DHX8: variants seen among roughly 807,000 people sequenced by gnomAD.
DHX8 encodes ATP-dependent RNA helicase DHX8.
DHX8 carries 67 observed loss-of-function variants against 140.7 expected under a neutral mutation model. That is an observed-to-expected ratio of 0.48 (90% confidence interval 0.39 to 0.58). DHX8 has a LOEUF of 0.58. Ranked by LOEUF, DHX8 falls within the 20% of genes least tolerant of loss-of-function variation. The pLI is 0.00. For synonymous variants in DHX8, 533 were observed against 553.2 expected, an observed-to-expected ratio of 0.96 and a Z score of 0.51; for missense variants, 887 against 1,550.7, an observed-to-expected ratio of 0.57 and a Z score of 7.19.
chr17:43,492,895 A>T lies in DHX8; in HGVS notation c.718A>T (p.Lys240Ter), dbSNP rs767342717. 6.2e-7 allele frequency: 1 copy of T among 1,614,230 alleles called. No homozygotes were observed. Among genetic ancestry groups the T allele is most frequent in the Non-Finnish European group, 8.5e-7 (1 of 1,180,036 alleles). Residue 240 changes from lysine to a stop codon, truncating the protein, a stop_gained, in exon 6 of 23, where the codon AAA becomes TAA. Transcript: ENST00000262415. LOFTEE classifies it high-confidence loss of function. ...CCCCAAAGACCGGAAGGACCGGGAC[A>T]AATATGGAGAGCGGAATCTGGATAG... Reference protein sequence around the residue: ...SPPKDRKDRDKYGERNLDRWR... With the variant: ...SPPKDRKDRD
At position 43,483,997 on chromosome 17, in the gene DHX8, G is replaced by T. The variant is rs761185154; in HGVS notation, c.-41G>T. 6.2e-7 allele frequency: 1 copy of T among 1,611,828 alleles called. No individual in the cohort carries two copies. The highest frequency in any genetic ancestry group is 1.1e-5 in the South Asian group (1 of 90,906). On this transcript the variant is annotated 5_prime_UTR_variant, in exon 1 of 23. Transcript: ENST00000262415. ...TGGAACCCGGCCGGAGTAGCTCTGA[G>T]CGCCGGCTGTGAGGAAGGAGGTTCT...
chr17:43,509,676 G>GT (rs71361530), intron 16 of DHX8, among the ~76,000 whole-genome samples: 5,395 of 150,492 alleles, frequency 0.036, 107 homozygotes, highest in Middle Eastern at 0.065. Flanking sequence ...TTGTTTTTGT[G>GT]TTTTTTTTTG....
intron 3 of DHX8, among the ~76,000 whole-genome samples, chr17:43,539,020 C>T (rs1971390577): frequency 6.6e-6 from 1 of 152,210 alleles, no homozygotes; most frequent in Non-Finnish European, 1.5e-5. Context: ...TTGGATTTCA[C>T]CCACGGCCTC....
chr17:43,485,085 G>A (rs1968058294), intron 1 of DHX8, among the ~76,000 whole-genome samples: 2 of 152,184 alleles, frequency 1.3e-5, no homozygotes, highest in African/African-American at 2.4e-5. Flanking sequence ...GGATGGATGG[G>A]ATCAAGGGCA....
intron 20 of DHX8, among the ~76,000 whole-genome samples, 159 bp from the exon 21 acceptor site, chr17:43,521,210 G>C (rs997217906): frequency 2.0e-5 from 3 of 151,956 alleles, no homozygotes; most frequent in Non-Finnish European, 4.4e-5. Flanking sequence ...TGATCCTCTT[G>C]CCTCAGTTTC....
downstream of DHX8, among the ~76,000 whole-genome samples, chr17:43,530,875 A>G (rs1970891477): frequency 6.6e-6 from 1 of 151,178 alleles, no homozygotes; most frequent in Non-Finnish European, 1.5e-5. Context: ...GAAACATGAC[A>G]CCTCCGGGAG....
Position 43,506,948 on chromosome 17 carries a change from CATATTT to C in DHX8, c.1729-49_1729-44del. 2.2e-6 allele frequency: 3 copies of C among 1,334,994 alleles called. 1 individual carries two copies. The highest frequency in any genetic ancestry group is 3.1e-6 in the Non-Finnish European group (3 of 980,978). 82.7% of individuals were successfully genotyped at this position (1,334,994 alleles called of 1,614,324 possible). The stretch of plus-strand genomic sequence containing the variant: ...CCATATTTATATTCTGTTTAATGAC[CATATTT>C]ATATTCTGGCAGATTTTAATGACCA... On this transcript the variant is annotated intron_variant, in intron 12 of 22. Coordinates refer to ENST00000262415, the MANE Select transcript of DHX8 (RefSeq NM_004941.3).
Position 43,513,512 on chromosome 17 carries a change from C to T in DHX8, c.2643+10C>T. 6.2e-7 allele frequency: 1 copy of T among 1,612,342 alleles called. No homozygotes were observed. The highest frequency in any genetic ancestry group is 1.1e-5 in the South Asian group (1 of 90,758). On this transcript the variant is annotated intron_variant, in intron 17 of 22. Coordinates refer to ENST00000262415, the MANE Select transcript of DHX8 (RefSeq NM_004941.3). ...GACGCCTATTTCTCAGGTATGACGG[C>T]TTGTATCAACAGTTTTCCTGATAAT...
rs1970512388 is a variant in DHX8 at position 43,523,980 on chromosome 17, C to CA, written c.*134dup. The CA allele has an allele frequency of 6.9e-7, 1 of 1,456,668 alleles. No individual in the cohort carries two copies. Among genetic ancestry groups the CA allele is most frequent in the Non-Finnish European group, 9.0e-7 (1 of 1,107,974 alleles). The allele number at this position is 1,456,668 out of a possible 1,614,324, so 90.2% of individuals were successfully genotyped here. On this transcript the variant is annotated 3_prime_UTR_variant, in exon 23 of 23. Coordinates refer to ENST00000262415, the MANE Select transcript of DHX8 (RefSeq NM_004941.3). ...CTGAGCATTTTCTCAACTCGACTCT[C>CA]ATTTCTTCCCTGCTGGTAAAATAGA...
At chr17:43,540,257 A>G (rs1486963604) in intron 3 of DHX8, among the ~76,000 whole-genome samples, 1 of 152,144 alleles carries the variant, frequency 6.6e-6, no homozygotes, top group Non-Finnish European at 1.5e-5. Context: ...ATTCTACACC[A>G]GCCTGGCCAA....
In DHX8 at chr17:43,532,633, C is replaced by T. The variant is rs752137870; in HGVS notation, c.351-3779C>T. 8 of 1,566,540 alleles carry T rather than the reference C, an allele frequency of 5.1e-6. No homozygotes were observed. The African/African-American group carries it at 1.1e-4, about 21-fold the overall frequency. On this transcript the variant is annotated intron_variant, in intron 2 of 3. Transcript: ENST00000589898. ...GGGAGACATTCTGGGCTTAACTGAA[C>T]ACTTGATCACATGCCACCCTGCCCC...
intron 12 of DHX8, among the ~76,000 whole-genome samples, chr17:43,505,999 TTGTGTG>T (rs149299592): frequency 4.7e-5 from 7 of 150,308 alleles, no homozygotes; most frequent in Admixed American, 1.3e-4. Context: ...TCTCAGAGAT[TTGTGTG>T]TGTGTGTGTG....
chr17:43,509,948 C>T (rs1473721128), intron 16 of DHX8, among the ~76,000 whole-genome samples: 1 of 151,748 alleles, frequency 6.6e-6, no homozygotes, highest in Non-Finnish European at 1.5e-5. Context: ...GGATTACCGG[C>T]GTGAGCCACT....
intron 17 of DHX8, among the ~76,000 whole-genome samples, chr17:43,515,441 C>A (rs1312636666): frequency 6.6e-6 from 1 of 152,246 alleles, no homozygotes; most frequent in African/African-American, 2.4e-5. Flanking sequence ...CCCGCCTCAG[C>A]CTTCCAAAGT....
intron 2 of DHX8, among the ~76,000 whole-genome samples, chr17:43,534,179 A>C (rs1971111339): frequency 6.6e-6 from 1 of 152,210 alleles, no homozygotes; most frequent in Non-Finnish European, 1.5e-5. Flanking sequence ...TAGTTTATAC[A>C]TCAGACTAGT....
chr17:43,500,113 T>C lies in DHX8; in HGVS notation c.1546+10T>C, dbSNP rs1407972653. 9.9e-6 allele frequency: 16 copies of C among 1,613,402 alleles called. No individual in the cohort carries two copies. The highest frequency in any genetic ancestry group is 1.4e-5 in the Non-Finnish European group (16 of 1,179,702). On this transcript the variant is annotated intron_variant, in intron 11 of 22. Coordinates refer to ENST00000262415, the MANE Select transcript of DHX8 (RefSeq NM_004941.3). ...GACCCTCTGCCTGATGGTAGGACCC[T>C]TGGAGGGGTGTATGGACCTTGTTTA...
intron 3 of DHX8, among the ~76,000 whole-genome samples, chr17:43,540,945 T>C (rs1000741888): frequency 5.9e-5 from 9 of 152,224 alleles, no homozygotes; most frequent in East Asian, 1.9e-4. Flanking sequence ...CTACTTTCCA[T>C]TGAGGTAATG....
At chr17:43,510,131 C>T (rs1342271714) in intron 16 of DHX8, among the ~76,000 whole-genome samples, 1 of 152,092 alleles carries the variant, frequency 6.6e-6, no homozygotes, top group Non-Finnish European at 1.5e-5. Context: ...TCACCGCAAC[C>T]TCCGCCTCCC....
intron 9 of DHX8, among the ~76,000 whole-genome samples, chr17:43,497,409 G>A (rs1968928069): frequency 6.6e-6 from 1 of 152,022 alleles, no homozygotes; most frequent in African/African-American, 2.4e-5. Flanking sequence ...TTGCTATATT[G>A]TCTCTTAGTG....
Sources: allele counts gnomAD v4.1 joint callset (sites outside exome capture counted in the v4.1 genomes callset), GRCh38; gene constraint gnomAD v4.1.1; transcripts MANE v1.5; gene names NCBI Gene and HGNC (gene_info 2026-07-23, HGNC 2026-07-21).